POFUT3: variants seen among roughly 807,000 people sequenced by gnomAD.
POFUT3 encodes the protein GDP-fucose protein O-fucosyltransferase 3.
At chr8:33,333,738 G>A in the POFUT3 span, among the ~76,000 whole-genome samples, 29 of 152,216 alleles carry the variant, frequency 1.9e-4, no homozygotes, top group South Asian at 4.1e-4. Flanking sequence ...CACTGGACCC[G>A]GGGAGCCCTT....
the POFUT3 span, among the ~76,000 whole-genome samples, chr8:33,433,597 G>A: frequency 7.1e-6 from 1 of 140,164 alleles, no homozygotes; most frequent in Admixed American, 7.3e-5. Context: ...GGGCGATAGA[G>A]TGAGACTTCG....
the POFUT3 span, among the ~76,000 whole-genome samples, chr8:33,441,378 CTTTTTTTTTTT>C: frequency 1.3e-4 from 15 of 114,048 alleles, no homozygotes; most frequent in Non-Finnish European, 1.1e-4. Flanking sequence ...TTTTTCCTGC[CTTTTTTTTTTT>C]TTTTTTTTTG....
chr8:33,426,589 C>A, the POFUT3 span, among the ~76,000 whole-genome samples: 1 of 152,168 alleles, frequency 6.6e-6, no homozygotes, highest in African/African-American at 2.4e-5. Flanking sequence ...ATCCACTGGG[C>A]ATACAAAGGT....
chr8:33,470,083 G>A, the POFUT3 span, among the ~76,000 whole-genome samples: 5 of 151,562 alleles, frequency 3.3e-5, no homozygotes, highest in East Asian at 9.7e-4. Flanking sequence ...GTGAGCCATG[G>A]CGCCCGGCAA....
At chr8:33,380,692 A>T in the POFUT3 span, among the ~76,000 whole-genome samples, 2 of 151,630 alleles carry the variant, frequency 1.3e-5, no homozygotes, top group East Asian at 3.9e-4. Flanking sequence ...AAGTTAAAAA[A>T]TTAGGTATGG....
chr8:33,316,377 G>C, the POFUT3 span, among the ~76,000 whole-genome samples: 25 of 151,956 alleles, frequency 1.6e-4, no homozygotes, highest in Non-Finnish European at 3.2e-4. Context: ...TGGTTAGTTA[G>C]TGAAAATAAT....
At chr8:33,321,168 G>A in the POFUT3 span, among the ~76,000 whole-genome samples, 1 of 152,066 alleles carries the variant, frequency 6.6e-6, no homozygotes, top group Admixed American at 6.6e-5. Context: ...GTAAGAATAG[G>A]CTAAGTATAG....
the POFUT3 span, among the ~76,000 whole-genome samples, chr8:33,322,993 A>C: frequency 6.6e-6 from 1 of 151,520 alleles, no homozygotes; most frequent in East Asian, 1.9e-4. Context: ...AGCTTATCTT[A>C]GTCGTGAGGA....
the POFUT3 span, among the ~76,000 whole-genome samples, chr8:33,369,424 T>A: frequency 2.0e-5 from 3 of 152,182 alleles, no homozygotes; most frequent in African/African-American, 7.2e-5. Flanking sequence ...AGTAAAGATA[T>A]TACCATTAAC....
chr8:33,309,286 A>G, the POFUT3 span, among the ~76,000 whole-genome samples: 1 of 147,192 alleles, frequency 6.8e-6, no homozygotes, highest in Non-Finnish European at 1.5e-5. Flanking sequence ...TGCTTATTAT[A>G]TCATTGGCTT....
At chr8:33,423,818 TAAAAAAAAAAAAAAAA>T in the POFUT3 span, among the ~76,000 whole-genome samples, 2 of 70,136 alleles carry the variant, frequency 2.9e-5, no homozygotes, top group African/African-American at 5.6e-5. Context: ...GCACACCAAG[TAAAAAAAAAAAAAAAA>T]AAAAAAAAAA....
At chr8:33,445,755 T>A in the POFUT3 span, among the ~76,000 whole-genome samples, 1 of 152,176 alleles carries the variant, frequency 6.6e-6, no homozygotes, top group African/African-American at 2.4e-5. Flanking sequence ...AGAAAGAAGC[T>A]GGCTGTGGTC....
At chr8:33,314,741 T>G in the POFUT3 span, among the ~76,000 whole-genome samples, 1 of 152,210 alleles carries the variant, frequency 6.6e-6, no homozygotes, top group Non-Finnish European at 1.5e-5. Flanking sequence ...TAGCAGGTTC[T>G]GAAGTCAGAC....
the POFUT3 span, among the ~76,000 whole-genome samples, chr8:33,380,014 A>ATACACTCT: frequency 1.4e-5 from 1 of 69,008 alleles, no homozygotes; most frequent in Non-Finnish European, 2.4e-5. Flanking sequence ...CTATATATAT[A>ATACACTCT]GTATATATAT....
the POFUT3 span, chr8:33,372,809 A>G: frequency 1.2e-6 from 2 of 1,611,798 alleles, no homozygotes; most frequent in Non-Finnish European, 1.7e-6. Flanking sequence ...TAAGCCCTGC[A>G]GGAAGAGAAA....
At chr8:33,401,209 C>T in the POFUT3 span, among the ~76,000 whole-genome samples, 1 of 152,158 alleles carries the variant, frequency 6.6e-6, no homozygotes, top group East Asian at 1.9e-4. Flanking sequence ...TGGTCTCAAA[C>T]TCCTGACCTC....
the POFUT3 span, among the ~76,000 whole-genome samples, chr8:33,424,512 T>A: frequency 6.6e-6 from 1 of 152,174 alleles, no homozygotes; most frequent in Non-Finnish European, 1.5e-5. Flanking sequence ...GTCTGCATCG[T>A]TAGGGCCTTC....
At chr8:33,443,967 T>C in the POFUT3 span, among the ~76,000 whole-genome samples, 6 of 98,566 alleles carry the variant, frequency 6.1e-5, no homozygotes, top group Admixed American at 1.8e-4. Context: ...TTCTACAAGC[T>C]TTTTTTTTTT....
At chr8:33,391,774 G>A in the POFUT3 span, among the ~76,000 whole-genome samples, 1 of 152,168 alleles carries the variant, frequency 6.6e-6, no homozygotes, top group Non-Finnish European at 1.5e-5. Flanking sequence ...AGAGATTAAA[G>A]AGGATATGAT....
Sources: gnomAD v4.1 joint callset for allele counts (sites outside exome capture counted in the v4.1 genomes callset) on GRCh38, gnomAD v4.1.1 for gene constraint, MANE v1.5 for transcripts, NCBI Gene and HGNC (gene_info 2026-07-23, HGNC 2026-07-21) for gene names.